Variants in CRLF3 observed in about 807,000 individuals in gnomAD.
CRLF3 encodes cytokine receptor-like factor 3.
A neutral mutation model predicts 55.0 loss-of-function variants in CRLF3; 33 were observed. That is an observed-to-expected ratio of 0.60 (90% CI 0.46 to 0.80). The LOEUF is 0.80. Ranked by LOEUF, CRLF3 falls within the 30% of genes least tolerant of loss-of-function variation. The probability of loss-of-function intolerance (pLI) is 0.00; values close to 1 mark genes in which losing one functional copy is unlikely to be tolerated. For synonymous variants in CRLF3, 238 were observed against 196.8 expected (o/e 1.21, Z -1.75); for missense variants, 494 against 538.4 (o/e 0.92, Z 0.82).
chr17:30,799,801 G>A (rs765020855), intron 2 of CRLF3, among the ~76,000 whole-genome samples: 6 of 151,952 alleles, frequency 3.9e-5, no homozygotes, highest in Non-Finnish European at 8.8e-5. Flanking sequence ...CACCGCGCCC[G>A]GCCAGGATTT....
chr17:30,820,995 C>T (rs922840923), intron 1 of CRLF3, among the ~76,000 whole-genome samples: 3 of 151,576 alleles, frequency 2.0e-5, no homozygotes, highest in Admixed American at 6.6e-5. Context: ...GTCGAGGCTG[C>T]AGTGAGTTCT....
chr17:30,784,675 C>T (rs893312257), intron 7 of CRLF3: 3 of 425,418 alleles, frequency 7.1e-6, no homozygotes, highest in African/African-American at 2.0e-5. Context: ...TACAAAATTA[C>T]CTCCTGTGAA....
chr17:30,815,790 C>T (rs1016839953), intron 1 of CRLF3, among the ~76,000 whole-genome samples: 6 of 150,712 alleles, frequency 4.0e-5, no homozygotes, highest in Admixed American at 2.0e-4. Flanking sequence ...GTGATCCGCC[C>T]GCCTTGGCCT....
intron 2 of CRLF3, among the ~76,000 whole-genome samples, chr17:30,800,123 C>T (rs1317449463): frequency 6.6e-6 from 1 of 152,138 alleles, no homozygotes. Context: ...TTTTCCCACA[C>T]CACTCCCAGC....
chr17:30,804,711 T>C (rs973561757), intron 1 of CRLF3, among the ~76,000 whole-genome samples: 1 of 152,146 alleles, frequency 6.6e-6, no homozygotes, highest in Non-Finnish European at 1.5e-5. Context: ...ACATCTTCCA[T>C]TCATTGATAA....
At position 30,804,905 on chromosome 17, in the gene CRLF3, G is replaced by A. The variant is rs533599320; in HGVS notation, c.130-797C>T. 2.4e-4 allele frequency among the ~76,000 whole-genome samples: 36 copies of A among 152,154 alleles called. No individual in the cohort carries two copies. In the South Asian group the frequency reaches 4.8e-3, roughly 20 times the overall value. Reference sequence around the variant, plus strand: ...GAGCATAATAATAGTTATTTCAGCCGGGCGCAGTGCCTCATGCCTGTAATC... The same window carrying A: ...GAGCATAATAATAGTTATTTCAGCCAGGCGCAGTGCCTCATGCCTGTAATC... On this transcript the variant is annotated intron_variant, in intron 1 of 7. Transcript: ENST00000324238.
At chr17:30,820,852 ACTGT>A (rs986049057) in intron 1 of CRLF3, among the ~76,000 whole-genome samples, 3 of 150,220 alleles carry the variant, frequency 2.0e-5, no homozygotes, top group Non-Finnish European at 3.0e-5. Flanking sequence ...AAAGGAAGAA[ACTGT>A]CTGGGAAACA....
chr17:30,797,544 G>C, intron 2 of CRLF3, 146 bp from the exon 3 acceptor site: 1 of 655,374 alleles, frequency 1.5e-6, no homozygotes, highest in Non-Finnish European at 2.7e-6. Flanking sequence ...AGTTAAAGTA[G>C]AAACTATTTT....
In CRLF3 at chr17:30,784,180, C is replaced by T; in HGVS notation, c.*7G>A. The T allele has an allele frequency of 6.2e-7, 1 of 1,609,892 alleles. No homozygotes were observed. Reference sequence around the variant, plus strand: ...ACCCTGAAAACCAAAGCCAAGCACCCAAACATCTAAAACACTAACACTTTC... The same window carrying T: ...ACCCTGAAAACCAAAGCCAAGCACCTAAACATCTAAAACACTAACACTTTC... On this transcript the variant is annotated 3_prime_UTR_variant, in exon 8 of 8. Coordinates refer to ENST00000324238, the MANE Select transcript of CRLF3 (RefSeq NM_015986.4).
intron 1 of CRLF3, among the ~76,000 whole-genome samples, chr17:30,808,208 G>A (rs778399073): frequency 6.6e-6 from 1 of 151,048 alleles, no homozygotes; most frequent in East Asian, 1.9e-4. Flanking sequence ...CAGAATCTCA[G>A]GCCCCACCCA....
chr17:30,791,390 A>AAAG lies in CRLF3; in HGVS notation c.959+1047_959+1049dup, dbSNP rs375760502. On this transcript the variant is annotated intron_variant, in intron 6 of 7. Transcript: ENST00000324238. ...CTGTCCTAATATTTGTATTTTTAGT[A>AAAG]AAGATGGGGTTTTACCAGGTTGACC... Among the ~76,000 whole-genome samples, 1,325 of 151,660 alleles carry AAAG rather than the reference A, an allele frequency of 8.7e-3. 19 individuals carry two copies. Among genetic ancestry groups the AAAG allele is most frequent in the African/African-American group, 0.03 (1,248 of 41,356 alleles).
chr17:30,792,618 G>C, intron 5 of CRLF3, 46 bp from the exon 6 acceptor site: 1 of 1,560,562 alleles, frequency 6.4e-7, no homozygotes, highest in Non-Finnish European at 8.8e-7. Context: ...TCTCTTGAGG[G>C]ATATCTTCAA....
intron 2 of CRLF3, among the ~76,000 whole-genome samples, chr17:30,802,854 T>C (rs1262636183): frequency 6.6e-6 from 1 of 152,112 alleles, no homozygotes; most frequent in Non-Finnish European, 1.5e-5. Flanking sequence ...ATCACATTTT[T>C]TTAAACTTTC....
intron 1 of CRLF3, among the ~76,000 whole-genome samples, chr17:30,817,663 T>A (rs1285611639): frequency 6.6e-6 from 1 of 151,990 alleles, no homozygotes; most frequent in African/African-American, 2.4e-5. Flanking sequence ...ATCCCAGCAC[T>A]TTGGGAGGCC....
intron 6 of CRLF3, among the ~76,000 whole-genome samples, chr17:30,791,507 T>C (rs1971800555): frequency 7.4e-6 from 1 of 135,754 alleles, no homozygotes; most frequent in African/African-American, 2.8e-5. Flanking sequence ...GCGTCCAGTC[T>C]CTTGGCCTCT....
chr17:30,807,747 C>T (rs1904462729), intron 1 of CRLF3, among the ~76,000 whole-genome samples: 2 of 151,950 alleles, frequency 1.3e-5, no homozygotes, highest in Non-Finnish European at 2.9e-5. Flanking sequence ...TGGTCTTGAA[C>T]TCCTGATCTC....
At chr17:30,796,419 C>T (rs1241173066) in intron 3 of CRLF3, 82 bp from the exon 4 acceptor site, 3 of 1,099,050 alleles carry the variant, frequency 2.7e-6, no homozygotes, top group Non-Finnish European at 3.9e-6. Flanking sequence ...CAGTCACATG[C>T]TTGAAAGATC....
rs751676888 is a variant in CRLF3, at chr17:30,784,181, A to G, written c.*6T>C. The G allele has an allele frequency of 6.2e-7, 1 of 1,610,104 alleles. No individual in the cohort carries two copies. Among genetic ancestry groups the G allele is most frequent in the African/African-American group, 1.3e-5 (1 of 74,688 alleles). ...CCCTGAAAACCAAAGCCAAGCACCCAAACATCTAAAACACTAACACTTTCC... is the reference window on the plus strand; with the variant it reads ...CCCTGAAAACCAAAGCCAAGCACCCGAACATCTAAAACACTAACACTTTCC... On this transcript the variant is annotated 3_prime_UTR_variant, in exon 8 of 8. Transcript: ENST00000324238.
At chr17:30,817,833 G>A (rs1904853691) in intron 1 of CRLF3, among the ~76,000 whole-genome samples, 1 of 147,922 alleles carries the variant, frequency 6.8e-6, no homozygotes, top group Admixed American at 6.9e-5. Flanking sequence ...TTGAACCCAG[G>A]AGGCAGAGGT....
Sources: gnomAD v4.1 joint callset for allele counts (sites outside exome capture counted in the v4.1 genomes callset) on GRCh38, gnomAD v4.1.1 for gene constraint, MANE v1.5 for transcripts, NCBI Gene and HGNC (gene_info 2026-07-23, HGNC 2026-07-21) for gene names.